The following LNX1 variants were observed in gnomAD, a reference collection of about 807,000 sequenced individuals.
The protein encoded by LNX1 is E3 ubiquitin-protein ligase LNX.
A neutral mutation model predicts 68.4 loss-of-function variants in LNX1; 54 were observed. The observed-to-expected ratio is 0.79, with a 90% CI of 0.63 to 0.99. The LOEUF is 0.99. Among genes scored for constraint, LNX1 ranks in the 50% least tolerant of loss-of-function variants. The pLI is 0.00. For missense variants in LNX1, 906 were observed against 926.4 expected, an observed-to-expected ratio of 0.98 and a Z score of 0.29; for synonymous variants, 336 against 350.0, an observed-to-expected ratio of 0.96 and a Z score of 0.45.
chr4:53,606,307 C>G (rs998025286), intron 2 of LNX1, among the ~76,000 whole-genome samples: 2 of 152,134 alleles, frequency 1.3e-5, no homozygotes, highest in African/African-American at 4.8e-5. Context: ...ATGAACACCT[C>G]TATGCACACA....
chr4:53,463,067 A>G (rs1458101602), intron 9 of LNX1, among the ~76,000 whole-genome samples: 3 of 152,152 alleles, frequency 2.0e-5, no homozygotes, highest in Non-Finnish European at 2.9e-5. Context: ...TCATGATCAA[A>G]TATCAGTTTT....
At chr4:53,615,838 T>C (rs192537149) in intron 2 of LNX1, among the ~76,000 whole-genome samples, 3 of 152,300 alleles carry the variant, frequency 2.0e-5, no homozygotes, top group African/African-American at 7.2e-5. Context: ...AGGCATGCAA[T>C]GCGTAATAAT....
chr4:53,591,388 C>T lies in LNX1; in HGVS notation c.-87G>A. 1 of 985,504 alleles carries T rather than the reference C, an allele frequency of 1.0e-6. No individual in the cohort carries two copies. The highest frequency in any genetic ancestry group is 1.1e-4 in the East Asian group (1 of 8,810). 61.0% of individuals were successfully genotyped at this position (985,504 alleles called of 1,614,324 possible). ...AGAAAAATGGAGGGTTTCAACTCAC[C>T]TCTTCAAGCGACTGTCTGGGGCTCT... On this transcript the variant is annotated splice_region_variant and 5_prime_UTR_variant, in exon 1 of 11. Coordinates refer to ENST00000263925, the MANE Select transcript of LNX1 (RefSeq NM_001126328.3).
At chr4:53,514,164 G>C (rs11726353) in intron 2 of LNX1, among the ~76,000 whole-genome samples, 151,683 of 152,370 alleles carry the variant, frequency 1, 75,500 homozygotes, top group Middle Eastern at 1. Flanking sequence ...CTTATTTTCT[G>C]TCTATGGAAT....
intron 2 of LNX1, among the ~76,000 whole-genome samples, chr4:53,512,772 C>A (rs900273490): frequency 6.6e-5 from 10 of 152,132 alleles, no homozygotes; most frequent in Non-Finnish European, 1.2e-4. Context: ...TCCTTGCCAG[C>A]AGCTGGGTTT....
intron 2 of LNX1, among the ~76,000 whole-genome samples, chr4:53,600,850 C>T (rs1233713680): frequency 6.6e-6 from 1 of 150,524 alleles, no homozygotes; most frequent in Non-Finnish European, 1.5e-5. Flanking sequence ...CCTGCCTCAG[C>T]CTCCTGAGTA....
intron 2 of LNX1, among the ~76,000 whole-genome samples, chr4:53,539,939 G>A (rs561341069): frequency 6.6e-6 from 1 of 152,214 alleles, no homozygotes; most frequent in Non-Finnish European, 1.5e-5. Flanking sequence ...CCATGGCAAA[G>A]GTTGACTTGG....
rs527986051 is a variant in LNX1 at position 53,613,224 on chromosome 4, T to C, written c.-215+3293A>G. ...ACACATAACTGTACACATGAACATA[T>C]GTTTAAATTGATCCCATGCATGCAT... On this transcript the variant is annotated intron_variant, in intron 2 of 3. Transcript: ENST00000504299. 4.6e-5 allele frequency among the ~76,000 whole-genome samples: 7 copies of C among 152,000 alleles called. No homozygotes were observed. In the South Asian group the frequency reaches 1.5e-3, roughly 32 times the overall value.
At chr4:53,577,809 G>A (rs559128764) in intron 1 of LNX1, among the ~76,000 whole-genome samples, 2 of 151,994 alleles carry the variant, frequency 1.3e-5, no homozygotes, top group Non-Finnish European at 2.9e-5. Context: ...AGACTAGATC[G>A]TGTACAACAG....
At chr4:53,611,188 C>CT (rs1193291912) in intron 2 of LNX1, among the ~76,000 whole-genome samples, 1 of 151,852 alleles carries the variant, frequency 6.6e-6, no homozygotes, top group Admixed American at 6.6e-5. Context: ...ATACCATTAG[C>CT]TTTTTTGTAC....
At chr4:53,647,381 TCTCTCTTTTTCTCC>T (rs1469245421) in intron 1 of LNX1, among the ~76,000 whole-genome samples, 4 of 152,236 alleles carry the variant, frequency 2.6e-5, no homozygotes, top group Non-Finnish European at 4.4e-5. Flanking sequence ...GCAATCTCTC[TCTCTCTTTTTCTCC>T]CTCTCTTTTT....
At chr4:53,565,542 TG>T (rs1232803117) in intron 2 of LNX1, among the ~76,000 whole-genome samples, 4 of 151,146 alleles carry the variant, frequency 2.6e-5, no homozygotes, top group African/African-American at 9.7e-5. Flanking sequence ...ACCACAAAGA[TG>T]GGGAAAAAAC....
At chr4:53,581,176 C>G (rs1378645882) in intron 1 of LNX1, among the ~76,000 whole-genome samples, 1 of 152,038 alleles carries the variant, frequency 6.6e-6, no homozygotes, top group Non-Finnish European at 1.5e-5. Flanking sequence ...ACAGTTGTAC[C>G]CTTATCAGTT....
chr4:53,590,221 A>T (rs1454225157), intron 1 of LNX1, among the ~76,000 whole-genome samples: 1 of 152,236 alleles, frequency 6.6e-6, no homozygotes, highest in Non-Finnish European at 1.5e-5. Context: ...TGTCTGTCTA[A>T]GGCAAAAATG....
At chr4:53,557,957 C>T (rs200583618) in intron 2 of LNX1, 16 of 1,613,428 alleles carry the variant, frequency 9.9e-6, no homozygotes, top group Admixed American at 5.0e-5. Flanking sequence ...GCAACAGAAG[C>T]GCCTTCATTC....
intron 2 of LNX1, among the ~76,000 whole-genome samples, chr4:53,601,104 AGG>A (rs1291545950): frequency 1.0e-4 from 1 of 9,676 alleles, no homozygotes; most frequent in Non-Finnish European, 2.3e-4. Flanking sequence ...GGAGGGAGGG[AGG>A]GGGGGAGGGA....
Position 53,573,673 on chromosome 4 carries a change from G to A in LNX1, c.330C>T (p.His110=), listed in dbSNP as rs777972678. ...KLLVTCPFRE[H]CTQVLQRCDL... is the part of the protein sequence containing the mutation. ...CACAGCGCTGCAACACCTGGGTGCAGTGCTCCCTGAATGGGCAGGTCACCA... is the reference window on the plus strand; with the variant it reads ...CACAGCGCTGCAACACCTGGGTGCAATGCTCCCTGAATGGGCAGGTCACCA... Residue 110 remains histidine (H), a synonymous_variant, in exon 2 of 11, where the codon CAC becomes CAT. Coordinates refer to ENST00000263925, the MANE Select transcript of LNX1 (RefSeq NM_001126328.3). 2 of 1,608,332 alleles carry A rather than the reference G, an allele frequency of 1.2e-6. No individual in the cohort carries two copies. The highest frequency in any genetic ancestry group is 2.2e-5 in the South Asian group (2 of 89,624).
intron 6 of LNX1, among the ~76,000 whole-genome samples, chr4:53,482,559 C>T (rs1468545350): frequency 6.6e-6 from 1 of 152,178 alleles, no homozygotes; most frequent in Non-Finnish European, 1.5e-5. Context: ...TTTGCAGCAA[C>T]TTGGATGGAA....
intron 1 of LNX1, among the ~76,000 whole-genome samples, chr4:53,633,140 C>T (rs1385844615): frequency 1.3e-5 from 2 of 152,176 alleles, no homozygotes; most frequent in African/African-American, 4.8e-5. Flanking sequence ...ATTGCCCTCT[C>T]TATATAATGC....
Sources: gnomAD v4.1 joint callset for allele counts (sites outside exome capture counted in the v4.1 genomes callset) on GRCh38, gnomAD v4.1.1 for gene constraint, MANE v1.5 for transcripts, NCBI Gene and HGNC (gene_info 2026-07-23, HGNC 2026-07-21) for gene names.